Variants in PTPRU observed in about 807,000 individuals in gnomAD.
PTPRU encodes protein tyrosine phosphatase receptor type U, also known as receptor-type tyrosine-protein phosphatase U.
PTPRU carries 69 observed loss-of-function variants against 166.3 expected under a neutral mutation model. The ratio of observed to expected loss-of-function variants is 0.41; its 90% CI spans 0.34 to 0.51. PTPRU has a LOEUF of 0.51. Among genes scored for constraint, PTPRU ranks in the 20% least tolerant of loss-of-function variants. The probability of loss-of-function intolerance (pLI) is 0.09; values close to 1 mark genes in which losing one functional copy is unlikely to be tolerated. For missense variants in PTPRU, 1,657 were observed against 2,013.7 expected, an observed-to-expected ratio of 0.82 and a Z score of 3.39; for synonymous variants, 793 against 814.0, an observed-to-expected ratio of 0.97 and a Z score of 0.44.
At position 29,323,332 on chromosome 1, in the gene PTPRU, G is replaced by A. The variant is rs780508232; in HGVS notation, c.3829-39G>A. 8.2e-6 allele frequency: 13 copies of A among 1,594,076 alleles called. No individual in the cohort carries two copies. In the African/African-American group the frequency reaches 1.7e-4, roughly 21 times the overall value. On this transcript the variant is annotated intron_variant, in intron 26 of 29. Coordinates refer to ENST00000373779, the MANE Select transcript of PTPRU (RefSeq NM_133178.4). ...ATGGCTGTGGGGTGAGCCCCGGCCAGGCTCTACTCAGCTCTCCCCTCTCCG... is the reference window on the plus strand; with the variant it reads ...ATGGCTGTGGGGTGAGCCCCGGCCAAGCTCTACTCAGCTCTCCCCTCTCCG...
Position 29,323,628 on chromosome 1 carries a change from C to T in PTPRU, c.3955-3C>T, listed in dbSNP as rs1336340386. The T allele has an allele frequency of 1.2e-6, 2 of 1,613,890 alleles. No individual in the cohort carries two copies. Among genetic ancestry groups the T allele is most frequent in the Non-Finnish European group, 1.7e-6 (2 of 1,179,898 alleles). ...CTCCCTGGCTGGCTGCCCCTGTCCC[C>T]AGTTGCAGGAGGGGCACCTGCTGGT... On this transcript the variant is annotated splice_polypyrimidine_tract_variant and splice_region_variant and intron_variant, in intron 27 of 29. Coordinates refer to ENST00000373779, the MANE Select transcript of PTPRU (RefSeq NM_133178.4).
chr1:29,283,916 T>C, intron 12 of PTPRU, 24 bp from the exon 13 acceptor site: 1 of 1,613,898 alleles, frequency 6.2e-7, no homozygotes, highest in Non-Finnish European at 8.5e-7. Flanking sequence ...TCAGCAACGC[T>C]GAGACCCCCA....
rs767481420 is a variant in PTPRU, at chr1:29,315,501, G to C, written c.3357G>C (p.Gln1119His). The C allele has an allele frequency of 1.2e-6, 2 of 1,613,980 alleles. No homozygotes were observed. The highest frequency in any genetic ancestry group is 1.1e-5 in the South Asian group (1 of 91,076). ...TLCSRRVNMI[Q>H]TEEQYIFIHD... ...GCTCCCGGCGTGTCAACATGATCCA[G>C]ACTGAGGTGCGGGGACCTGGCCCTG... is the stretch of plus-strand genomic sequence containing the variant. Residue 1119 changes from glutamine (Q) to histidine (H), a missense_variant, in exon 23 of 30, where the codon CAG (glutamine) becomes CAC (histidine). Physicochemically the swap from Gln to His is conservative, Grantham distance 24 (BLOSUM62 0). Around this residue, in one of 3 missense-constraint regions of PTPRU, gnomAD observed 1,190 missense variants for 1,477.4 expected, o/e 0.81. Transcript: ENST00000373779. The surrounding 1 kb of genome is among the most constrained non-coding windows in gnomAD (Gnocchi z 4.5).
intron 1 of PTPRU, among the ~76,000 whole-genome samples, chr1:29,239,131 C>A (rs1683921682): frequency 6.6e-6 from 1 of 152,142 alleles, no homozygotes; most frequent in Non-Finnish European, 1.5e-5. Context: ...TGGCAAATCA[C>A]CTCACTTGTA....
chr1:29,258,405 G>A, intron 2 of PTPRU, 100 bp from the exon 3 acceptor site: 2 of 1,321,408 alleles, frequency 1.5e-6, no homozygotes, highest in East Asian at 4.7e-5. Flanking sequence ...ACTCCTGGTG[G>A]GTCCCGTTGC....
chr1:29,259,017 A>G (rs886754124), intron 3 of PTPRU, among the ~76,000 whole-genome samples: 1 of 152,142 alleles, frequency 6.6e-6, no homozygotes, highest in Non-Finnish European at 1.5e-5. Context: ...GCTGACCTGG[A>G]AACTCTGTCT....
rs1041286420 is a variant in PTPRU at position 29,258,540 on chromosome 1, C to G, written c.241C>G (p.Pro81Ala). Reference sequence around the variant, plus strand: ...GATGGTCAACACTTCCCAGCATGCCCCAGGCCAGCGAGCCCATGTCATCTT... The same window carrying G: ...GATGGTCAACACTTCCCAGCATGCCGCAGGCCAGCGAGCCCATGTCATCTT... ...YLMVNTSQHA[P>A]GQRAHVIFQS... The change falls in exon 3 of 30, where the codon CCA becomes GCA. Residue 81 changes from proline (P) to alanine (A), a missense_variant. Transcript: ENST00000373779. The G allele has an allele frequency of 1.9e-6, 3 of 1,614,172 alleles. No individual in the cohort carries two copies. The highest frequency in any genetic ancestry group is 1.3e-5 in the African/African-American group (1 of 75,056).
rs781688238 is a variant in PTPRU at position 29,325,580 on chromosome 1, C to T, written c.4249-19C>T. 1.9e-6 allele frequency: 3 copies of T among 1,601,292 alleles called. No homozygotes were observed. The highest frequency in any genetic ancestry group is 4.5e-5 in the East Asian group (2 of 44,800). On this transcript the variant is annotated intron_variant, in intron 29 of 29. Coordinates refer to ENST00000373779, the MANE Select transcript of PTPRU (RefSeq NM_133178.4). ...TTGGGGTCAGGCTCATGATTCCCTC[C>T]CTCTCTTCCTCTCCCCAGGATCAGT...
intron 1 of PTPRU, among the ~76,000 whole-genome samples, chr1:29,249,171 C>T (rs975220997): frequency 3.9e-5 from 6 of 152,152 alleles, no homozygotes; most frequent in Non-Finnish European, 7.4e-5. Context: ...CACACACACA[C>T]GCACACCTGC....
In PTPRU at chr1:29,323,351, C is replaced by T. The variant is rs1688248589; in HGVS notation, c.3829-20C>T. On this transcript the variant is annotated intron_variant, in intron 26 of 29. Coordinates refer to ENST00000373779, the MANE Select transcript of PTPRU (RefSeq NM_133178.4). ...CGGCCAGGCTCTACTCAGCTCTCCC[C>T]TCTCCGTGCTTATGCCCAGCCCTGC... 6.2e-7 allele frequency: 1 copy of T among 1,601,572 alleles called. No individual in the cohort carries two copies. The highest frequency in any genetic ancestry group is 1.1e-5 in the South Asian group (1 of 88,496).
chr1:29,289,588 C>G, intron 14 of PTPRU: 3 of 1,503,916 alleles, frequency 2.0e-6, no homozygotes, highest in South Asian at 1.2e-5. Context: ...GGGAGGTACC[C>G]AGGCCCCACC....
At position 29,280,058 on chromosome 1, in the gene PTPRU, C is replaced by T. The variant is rs371739078; in HGVS notation, c.1785C>T (p.Ala595=). 153 of 1,613,506 alleles carry T rather than the reference C, an allele frequency of 9.5e-5. No individual in the cohort carries two copies. The highest frequency in any genetic ancestry group is 1.1e-4 in the Non-Finnish European group (135 of 1,179,870). Residue 595 remains alanine, a synonymous_variant, in exon 11 of 30, where the codon GCC becomes GCT. Transcript: ENST00000373779. This position sits in a 1 kb window ranked among gnomAD's most constrained non-coding sequence, Gnocchi z 4.2. ...TNISAPSFDY[A]DMPSPLGESE... ...CTCCAGCTCCCAGCTTTGATTATGC[C>T]GACATGCCGTCACCCCTGGGCGAGT...
At position 29,287,091 on chromosome 1, in the gene PTPRU, G is replaced by A. The variant is rs116020413; in HGVS notation, c.2318+2222G>A. Among the ~76,000 whole-genome samples the A allele has an allele frequency of 2.6e-3, 403 of 152,256 alleles. 2 individuals carry two copies. Among genetic ancestry groups the A allele is most frequent in the Non-Finnish European group, 4.6e-3 (314 of 68,016 alleles). ...TAACTAACAAGAGTAGGAAGTTGCT[G>A]AGGAGGGCAGTTACCACGCCCCCAG... is the stretch of plus-strand genomic sequence containing the variant. On this transcript the variant is annotated intron_variant, in intron 14 of 29. Transcript: ENST00000373779.
Position 29,275,736 on chromosome 1 carries a change from C to T in PTPRU, c.1433C>T (p.Thr478Ile). The T allele has an allele frequency of 6.2e-7, 1 of 1,614,146 alleles. No individual in the cohort carries two copies. Among genetic ancestry groups the T allele is most frequent in the African/African-American group, 1.3e-5 (1 of 75,068 alleles). The change falls in exon 8 of 30, where the codon ACT (threonine) becomes ATT (isoleucine). Residue 478 changes from threonine to isoleucine, a missense_variant. By Grantham distance (89) the Thr-to-Ile change is moderately conservative. Transcript: ENST00000373779. ...PEGRKEGKEV[T>I]FQTDEDVPSG... The stretch of plus-strand genomic sequence containing the variant: ...GGGCGCAAAGAGGGCAAGGAGGTCA[C>T]TTTCCAGACGGATGAGGATGGTAAG...
At chr1:29,283,034 A>C in intron 12 of PTPRU, 85 bp downstream of exon 12, 1 of 1,542,664 alleles carries the variant, frequency 6.5e-7, no homozygotes, top group Middle Eastern at 2.2e-4. Context: ...GGCCCAGCGC[A>C]GACTCCAGGC....
chr1:29,320,858 C>A lies in PTPRU; in HGVS notation c.3828+33C>A, dbSNP rs558561269. ...CTCCACTGGCCAGGCCAATGGGCCG[C>A]CTGCTCCCAGGTCCTCTGTGTATTC... On this transcript the variant is annotated intron_variant, in intron 26 of 29. Coordinates refer to ENST00000373779, the MANE Select transcript of PTPRU (RefSeq NM_133178.4). The surrounding 1 kb of genome is among the most constrained non-coding windows in gnomAD (Gnocchi z 5.2). 4 of 1,519,572 alleles carry A rather than the reference C, an allele frequency of 2.6e-6. No individual in the cohort carries two copies. The highest frequency in any genetic ancestry group is 3.6e-6 in the Non-Finnish European group (4 of 1,125,692). 94.1% of individuals were successfully genotyped at this position (1,519,572 alleles called of 1,614,324 possible). A position where few individuals can be genotyped will look rare whatever the true frequency, so the allele number is the denominator to read the frequency against.
rs754379288 is a variant in PTPRU, at chr1:29,260,765, G to A, written c.1006G>A (p.Ala336Thr). The A allele has an allele frequency of 1.6e-5, 25 of 1,612,806 alleles. No homozygotes were observed. Among genetic ancestry groups the A allele is most frequent in the East Asian group, 2.2e-5 (1 of 44,748 alleles). ...MARGPWAEVH[A>T]VSLQTYKLWH... The stretch of plus-strand genomic sequence containing the variant: ...GCGCGGGCCCTGGGCTGAGGTGCAC[G>A]CCGTCAGCCTGCAGACCTACAAGCT... The change falls in exon 7 of 30, where the codon GCC becomes ACC. Residue 336 changes from alanine to threonine, a missense_variant. Around this residue, in one of 3 missense-constraint regions of PTPRU, gnomAD observed 453 missense variants for 496.9 expected, o/e 0.91. Coordinates refer to ENST00000373779, the MANE Select transcript of PTPRU (RefSeq NM_133178.4). The surrounding 1 kb of genome is among the most constrained non-coding windows in gnomAD (Gnocchi z 8.3).
Position 29,269,245 on chromosome 1 carries a change from TA to T in PTPRU, c.1145-6202del, listed in dbSNP as rs1248337545. Among the ~76,000 whole-genome samples the T allele has an allele frequency of 6.6e-3, 309 of 47,070 alleles. 2 individuals are homozygous for T. Among genetic ancestry groups the T allele is most frequent in the African/African-American group, 0.021 (244 of 11,872 alleles). The allele number at this position is 47,070 out of a possible 152,430, so 30.9% of individuals were successfully genotyped here. On this transcript the variant is annotated intron_variant, in intron 7 of 29. Transcript: ENST00000373779. ...ATATATATATATATATATATATATATATTTTTTTTTTTTTTTTTTTTTTTTT... is the reference window on the plus strand; with the variant it reads ...ATATATATATATATATATATATATATTTTTTTTTTTTTTTTTTTTTTTTTT...
chr1:29,301,505 T>A (rs1307035621), intron 15 of PTPRU, among the ~76,000 whole-genome samples: 1 of 152,210 alleles, frequency 6.6e-6, no homozygotes, highest in Non-Finnish European at 1.5e-5. Context: ...AGAGTGTACT[T>A]ATTTTTTAAA....
Sources: allele counts gnomAD v4.1 joint callset (sites outside exome capture counted in the v4.1 genomes callset), GRCh38; gene constraint gnomAD v4.1.1; regional missense constraint gnomAD v4.1.1; non-coding constraint Gnocchi (gnomAD v3.1); transcripts MANE v1.5; gene names NCBI Gene and HGNC (gene_info 2026-07-23, HGNC 2026-07-21).